The following SH2D1B variants were observed in gnomAD, a reference collection of about 807,000 sequenced individuals.
SH2D1B encodes SH2 domain-containing protein 1B.
SH2D1B carries 11 observed loss-of-function variants against 16.3 expected under a neutral mutation model. The ratio of observed to expected loss-of-function variants is 0.67; its 90% CI spans 0.42 to 1.11. The LOEUF (loss-of-function observed/expected upper bound fraction) is 1.11, where lower values mean the gene tolerates loss of function less well. Among genes scored for constraint, SH2D1B ranks in the 50% most tolerant of loss-of-function variants. The pLI is 0.00. For missense variants in SH2D1B, 123 were observed against 153.1 expected (o/e 0.80, Z 1.04); for synonymous variants, 55 against 56.1 (o/e 0.98, Z 0.09).
chr1:162,409,182 C>G (rs1305249467), intron 1 of SH2D1B, among the ~76,000 whole-genome samples: 3 of 151,840 alleles, frequency 2.0e-5, no homozygotes, highest in Non-Finnish European at 1.5e-5. Flanking sequence ...TGGCCAAGGT[C>G]TGTCCTTGCA....
rs1372988603 is a variant in SH2D1B at position 162,397,285 on chromosome 1, G to T, written c.394C>A (p.Pro132Thr). The change falls in exon 4 of 4, where the codon CCT (proline) becomes ACT (threonine). Residue 132 changes from proline (P) to threonine (T), a missense_variant. By Grantham distance (38) the Pro-to-Thr change is conservative (BLOSUM62 -1). Transcript: ENST00000367929. ...NSNSDYVDVLP is the reference protein window; with the variant it reads ...NSNSDYVDVLT Reference sequence around the variant, plus strand: ...TTTGTCCGGCAGCCTTATCTTCAAGGCAAGACATCCACATAATCGCTGTTA... The same window carrying T: ...TTTGTCCGGCAGCCTTATCTTCAAGTCAAGACATCCACATAATCGCTGTTA... 1.9e-6 allele frequency: 3 copies of T among 1,613,612 alleles called. No individual in the cohort carries two copies. The highest frequency in any genetic ancestry group is 4.5e-5 in the East Asian group (2 of 44,884).
At chr1:162,403,188 A>C (rs1648564187) in intron 1 of SH2D1B, among the ~76,000 whole-genome samples, 1 of 152,152 alleles carries the variant, frequency 6.6e-6, no homozygotes, top group Non-Finnish European at 1.5e-5. Flanking sequence ...GGTTCCTCAA[A>C]AAATTAAAAA....
At chr1:162,410,887 C>CCTG (rs1648779420) in intron 1 of SH2D1B, among the ~76,000 whole-genome samples, 1 of 151,858 alleles carries the variant, frequency 6.6e-6, no homozygotes, top group South Asian at 2.1e-4. Flanking sequence ...AACTCCCGAC[C>CCTG]TCAGGTGATT....
In SH2D1B at chr1:162,399,071, G is replaced by C; in HGVS notation, c.215C>G (p.Pro72Arg). The C allele has an allele frequency of 6.2e-7, 1 of 1,612,290 alleles. No individual in the cohort carries two copies. Among genetic ancestry groups the C allele is most frequent in the Non-Finnish European group, 8.5e-7 (1 of 1,179,154 alleles). ...YYRIQTAEGSPKQVFPSLKEL... is the reference protein window; with the variant it reads ...YYRIQTAEGSRKQVFPSLKEL... Reference sequence around the variant, plus strand: ...CTTTAGGCTTGGAAAGACCTGTTTTGGAGAACCTTCTGCAGTCTGCAAAAA... The same window carrying C: ...CTTTAGGCTTGGAAAGACCTGTTTTCGAGAACCTTCTGCAGTCTGCAAAAA... Residue 72 changes from proline (P) to arginine (R), a missense_variant, in exon 3 of 4, where the codon CCA (proline) becomes CGA (arginine). By Grantham distance (103) the Pro-to-Arg change is moderately radical. Transcript: ENST00000367929.
intron 1 of SH2D1B, 36 bp downstream of exon 1, chr1:162,411,847 T>C: frequency 6.2e-7 from 1 of 1,613,446 alleles, no homozygotes; most frequent in Non-Finnish European, 8.5e-7. Context: ...ACATTCAACA[T>C]ACGATGTCAG....
At chr1:162,402,309 G>A (rs1011027092) in intron 2 of SH2D1B, among the ~76,000 whole-genome samples, 5 of 152,046 alleles carry the variant, frequency 3.3e-5, no homozygotes, top group Non-Finnish European at 7.4e-5. Flanking sequence ...TCAGGAGATC[G>A]AGACCATCCT....
At chr1:162,402,643 G>T in intron 2 of SH2D1B, 96 bp downstream of exon 2, 1 of 1,007,160 alleles carries the variant, frequency 9.9e-7, no homozygotes, top group Non-Finnish European at 1.5e-6. Flanking sequence ...TTTTTAGAAT[G>T]CTTTCGCACA....
chr1:162,406,484 T>C (rs1165290404), intron 1 of SH2D1B, among the ~76,000 whole-genome samples: 1 of 152,202 alleles, frequency 6.6e-6, no homozygotes, highest in Non-Finnish European at 1.5e-5. Flanking sequence ...TGTACATATA[T>C]TGGTTTATAG....
At chr1:162,402,505 G>C in intron 2 of SH2D1B, 1 of 384,988 alleles carries the variant, frequency 2.6e-6, no homozygotes, top group Non-Finnish European at 4.7e-6. Flanking sequence ...ACGACAGAGC[G>C]AGACTCCGTC....
At chr1:162,403,002 G>C (rs1283314274) in intron 1 of SH2D1B, among the ~76,000 whole-genome samples, 200 bp from the exon 2 acceptor site, 1 of 150,976 alleles carries the variant, frequency 6.6e-6, no homozygotes, top group African/African-American at 2.4e-5. Context: ...TCCGCCTCCC[G>C]GGTTCAAGCG....
At chr1:162,400,836 C>A (rs1035595210) in intron 2 of SH2D1B, among the ~76,000 whole-genome samples, 2 of 152,022 alleles carry the variant, frequency 1.3e-5, no homozygotes, top group African/African-American at 4.8e-5. Flanking sequence ...GTAATCCCAG[C>A]TACTCGGGAG....
intron 2 of SH2D1B, among the ~76,000 whole-genome samples, 198 bp from the exon 3 acceptor site, chr1:162,399,285 T>A (rs1648451387): frequency 6.6e-6 from 1 of 151,900 alleles, no homozygotes; most frequent in African/African-American, 2.4e-5. Flanking sequence ...CCACTCTGAG[T>A]AAAGAGGATT....
chr1:162,404,765 T>C (rs908119004), intron 1 of SH2D1B, among the ~76,000 whole-genome samples: 9 of 152,206 alleles, frequency 5.9e-5, no homozygotes, highest in Admixed American at 3.3e-4. Context: ...ACACACTTAT[T>C]AATACAGTTA....
At position 162,397,281 on chromosome 1, in the gene SH2D1B, C is replaced by T. The variant is rs17852003; in HGVS notation, c.398G>A (p.Ter133=). 0.31 allele frequency: 501,413 copies of T among 1,612,826 alleles called. 79,714 individuals carry two copies. The highest frequency in any genetic ancestry group is 0.41 in the African/African-American group (30,979 of 74,774). Residue 133 remains the stop codon, a stop_retained_variant, in exon 4 of 4, where the codon TGA becomes TAA. Coordinates refer to ENST00000367929, the MANE Select transcript of SH2D1B (RefSeq NM_053282.5). ...TTGCTTTGTCCGGCAGCCTTATCTT[C>T]AAGGCAAGACATCCACATAATCGCT... is the stretch of plus-strand genomic sequence containing the variant. ...SNSDYVDVLP[*]
intron 1 of SH2D1B, among the ~76,000 whole-genome samples, chr1:162,407,071 T>C (rs1355738456): frequency 6.6e-6 from 1 of 152,264 alleles, no homozygotes; most frequent in East Asian, 1.9e-4. Flanking sequence ...CAGCTCTCTC[T>C]GTGACCTCCT....
rs563250824 is a variant in SH2D1B, at chr1:162,396,926, G to A, written c.*354C>T. The A allele has an allele frequency of 9.3e-5, 17 of 182,292 alleles. 1 individual carries two copies. In the South Asian group the frequency reaches 2.4e-3, roughly 25 times the overall value. The allele number at this position is 182,292 out of a possible 1,614,324, so 11.3% of individuals were successfully genotyped here. A position where few individuals can be genotyped will look rare whatever the true frequency, so the allele number is the denominator to read the frequency against. ...GGGCTTCAAACTCACAGACAAGTGT[G>A]CCCCTCCTCTGTATAAAGCTGCCCC... On this transcript the variant is annotated 3_prime_UTR_variant, in exon 4 of 4. Transcript: ENST00000367929.
chr1:162,399,933 C>A (rs773769222), intron 2 of SH2D1B, among the ~76,000 whole-genome samples: 1 of 152,196 alleles, frequency 6.6e-6, no homozygotes, highest in Non-Finnish European at 1.5e-5. Flanking sequence ...CCATCTCAAG[C>A]TGGGGCTGGT....
chr1:162,405,832 T>C (rs1648642523), intron 1 of SH2D1B, among the ~76,000 whole-genome samples: 1 of 152,260 alleles, frequency 6.6e-6, no homozygotes, highest in Admixed American at 6.5e-5. Flanking sequence ...CTATTTAGCT[T>C]TCAAAGTGAT....
chr1:162,411,154 C>A (rs1050415154), intron 1 of SH2D1B, among the ~76,000 whole-genome samples: 1 of 146,924 alleles, frequency 6.8e-6, no homozygotes, highest in Non-Finnish European at 1.5e-5. Flanking sequence ...TGGGGTTTTG[C>A]CGTGTTGGCC....
Sources: gnomAD v4.1 joint callset for allele counts (sites outside exome capture counted in the v4.1 genomes callset) on GRCh38, gnomAD v4.1.1 for gene constraint, MANE v1.5 for transcripts, NCBI Gene and HGNC (gene_info 2026-07-23, HGNC 2026-07-21) for gene names.